The following EYS variants were observed in gnomAD, a reference collection of about 807,000 sequenced individuals.
The protein encoded by EYS is protein eyes shut homolog.
In EYS, 250 loss-of-function variants were observed where a neutral mutation model predicts 282.1. The observed-to-expected ratio is 0.89, with a 90% CI of 0.80 to 0.98. The LOEUF (loss-of-function observed/expected upper bound fraction) is 0.98. Ranked by LOEUF, EYS falls within the 50% of genes least tolerant of loss-of-function variation. The pLI, the probability that EYS is intolerant of heterozygous loss-of-function variation, is 0.00. For synonymous variants in EYS, 1,355 were observed against 1,282.9 expected, an observed-to-expected ratio of 1.06 and a Z score of -1.20; for missense variants, 4,016 against 3,709.0, an observed-to-expected ratio of 1.08 and a Z score of -2.15.
chr6:64,771,678 T>G (rs531427456), intron 22 of EYS, among the ~76,000 whole-genome samples: 2 of 151,890 alleles, frequency 1.3e-5, no homozygotes, highest in African/African-American at 2.4e-5. Context: ...TTTAGTTTGT[T>G]GTTAATTTCA....
At position 65,387,210 on chromosome 6, in the gene EYS, T is replaced by C. The variant is rs191698535; in HGVS notation, c.1185-2710A>G. 1.2e-3 allele frequency among the ~76,000 whole-genome samples: 189 copies of C among 152,056 alleles called. 2 individuals carry two copies. Among genetic ancestry groups the C allele is most frequent in the African/African-American group, 4.5e-3 (186 of 41,536 alleles). On this transcript the variant is annotated intron_variant, in intron 7 of 42. Coordinates refer to ENST00000503581, the MANE Select transcript of EYS (RefSeq NM_001142800.2). ...AGCATTCCAAACTTGTCCAGTGACC[T>C]ATGGAATGCACACTACTGATTTTAA...
At chr6:65,547,713 C>G (rs1768444719) in intron 2 of EYS, among the ~76,000 whole-genome samples, 1 of 152,050 alleles carries the variant, frequency 6.6e-6, no homozygotes, top group South Asian at 2.1e-4. Context: ...TGAAAATTGT[C>G]TGTATCTTTT....
At chr6:63,797,754 T>C (rs922365773) in intron 37 of EYS, 4 of 152,188 alleles carry the variant, frequency 2.6e-5, no homozygotes, top group African/African-American at 9.7e-5. Context: ...ATGTAGGCAA[T>C]GTAGACTGGC....
At chr6:64,364,171 C>T (rs77170502) in intron 29 of EYS, among the ~76,000 whole-genome samples, 4,738 of 151,826 alleles carry the variant, frequency 0.031, 234 homozygotes, top group African/African-American at 0.11. Flanking sequence ...CTAGGGACCA[C>T]GTAATTCCAT....
chr6:65,145,291 T>G (rs1452917762), intron 12 of EYS, among the ~76,000 whole-genome samples: 1 of 152,070 alleles, frequency 6.6e-6, no homozygotes, highest in African/African-American at 2.4e-5. Context: ...ATTGTTACTA[T>G]TTTTTCTTTA....
At chr6:65,068,651 C>A (rs1773818790) in intron 12 of EYS, among the ~76,000 whole-genome samples, 1 of 151,896 alleles carries the variant, frequency 6.6e-6, no homozygotes, top group African/African-American at 2.4e-5. Flanking sequence ...AGAAACTGGC[C>A]AATACCAGTT....
At chr6:63,935,526 TA>T (rs1329822803) in intron 35 of EYS, among the ~76,000 whole-genome samples, 1 of 152,040 alleles carries the variant, frequency 6.6e-6, no homozygotes, top group Non-Finnish European at 1.5e-5. Context: ...TGGTTTCCTG[TA>T]AAAAAATTTG....
intron 5 of EYS, among the ~76,000 whole-genome samples, chr6:65,467,239 C>T (rs960113284): frequency 6.6e-6 from 1 of 152,034 alleles, no homozygotes; most frequent in Non-Finnish European, 1.5e-5. Flanking sequence ...CTTTTTGCCT[C>T]ACTTATATAA....
chr6:63,863,273 A>G (rs1772580105), intron 36 of EYS, among the ~76,000 whole-genome samples: 1 of 152,234 alleles, frequency 6.6e-6, no homozygotes, highest in Non-Finnish European at 1.5e-5. Flanking sequence ...ACATTTATGT[A>G]TATCACAGCT....
In EYS at chr6:65,318,769, G is replaced by A. The variant is rs1769386395; in HGVS notation, c.1766+16211C>T. Among the ~76,000 whole-genome samples the A allele has an allele frequency of 2.0e-5, 3 of 150,836 alleles. No homozygotes were observed. In the South Asian group the frequency reaches 6.3e-4, roughly 31 times the overall value. ...CGATTCTCCTTCCTTAACCACTGAA[G>A]TAGCTGGGACAACAGGCATGTGCCA... On this transcript the variant is annotated intron_variant, in intron 11 of 42. Transcript: ENST00000503581.
At chr6:64,616,743 C>A (rs988871201) in intron 24 of EYS, among the ~76,000 whole-genome samples, 1 of 152,094 alleles carries the variant, frequency 6.6e-6, no homozygotes, top group African/African-American at 2.4e-5. Context: ...CTCTAGTCAC[C>A]TGACTATACC....
chr6:64,757,743 T>TG (rs199838273), intron 22 of EYS, among the ~76,000 whole-genome samples: 6,329 of 97,648 alleles, frequency 0.065, 179 homozygotes, highest in East Asian at 0.26. Context: ...TCTTTTTTTC[T>TG]TTGTGTGTGT....
chr6:65,213,830 T>C (rs544232293), intron 12 of EYS, among the ~76,000 whole-genome samples: 9 of 151,910 alleles, frequency 5.9e-5, no homozygotes, highest in Non-Finnish European at 1.2e-4. Context: ...TCAGGTTAAA[T>C]CAAAAGCTAG....
At chr6:65,172,271 C>A (rs553567217) in intron 12 of EYS, among the ~76,000 whole-genome samples, 1 of 151,490 alleles carries the variant, frequency 6.6e-6, no homozygotes, top group African/African-American at 2.4e-5. Context: ...CTAGCCTTAG[C>A]CTTTTAAGTA....
chr6:65,131,350 CAGA>C (rs942124589), intron 12 of EYS, among the ~76,000 whole-genome samples: 2 of 151,748 alleles, frequency 1.3e-5, no homozygotes, highest in Non-Finnish European at 2.9e-5. Flanking sequence ...TCAGCAAATG[CAGA>C]AGAACTGAAA....
intron 2 of EYS, among the ~76,000 whole-genome samples, chr6:65,589,951 T>C (rs897015343): frequency 1.3e-5 from 2 of 152,014 alleles, no homozygotes; most frequent in Non-Finnish European, 2.9e-5. Flanking sequence ...AATTGTTAAA[T>C]ATATCTTTAT....
At position 63,946,644 on chromosome 6, in the gene EYS, G is replaced by C. The variant is rs1262706544; in HGVS notation, c.7055+37739C>G. On this transcript the variant is annotated intron_variant, in intron 35 of 42. Transcript: ENST00000503581. ...CAAGGTGTAACTGTGTTACATCTCA[G>C]TTACATAGTAAACAGAGTAAAATAT... 1.3e-5 allele frequency among the ~76,000 whole-genome samples: 2 copies of C among 151,510 alleles called. 1 individual carries two copies. Among genetic ancestry groups the C allele is most frequent in the South Asian group, 4.1e-4 (2 of 4,820 alleles).
chr6:65,693,370 G>A (rs1360564316), intron 1 of EYS, among the ~76,000 whole-genome samples: 2 of 145,902 alleles, frequency 1.4e-5, no homozygotes, highest in African/African-American at 5.0e-5. Flanking sequence ...TAGAGACACA[G>A]CCCTCAAAAG....
At chr6:65,033,665 G>A (rs1370387234) in intron 13 of EYS, among the ~76,000 whole-genome samples, 1 of 152,182 alleles carries the variant, frequency 6.6e-6, no homozygotes, top group Non-Finnish European at 1.5e-5. Context: ...CCTCCTCCTG[G>A]ATTTCAGAGG....
Sources: gnomAD v4.1 joint callset for allele counts (sites outside exome capture counted in the v4.1 genomes callset) on GRCh38, gnomAD v4.1.1 for gene constraint, MANE v1.5 for transcripts, NCBI Gene and HGNC (gene_info 2026-07-23, HGNC 2026-07-21) for gene names.